PLD5: variants seen among roughly 807,000 people sequenced by gnomAD.
PLD5 encodes inactive phospholipase D5.
PLD5 carries 36 observed loss-of-function variants against 61.1 expected under a neutral mutation model. That is an observed-to-expected ratio of 0.59 (90% CI 0.45 to 0.78). PLD5 has a LOEUF of 0.78. PLD5 is among the 30% of genes least tolerant of loss of function. PLD5 has a pLI of 0.00. For missense variants in PLD5, 515 were observed against 644.4 expected (o/e 0.80, Z 2.17); for synonymous variants, 243 against 242.8 (o/e 1.00, Z -0.01).
chr1:242,172,694 A>G (rs1231507595), intron 5 of PLD5, among the ~76,000 whole-genome samples: 5 of 152,290 alleles, frequency 3.3e-5, no homozygotes, highest in Admixed American at 3.3e-4. Flanking sequence ...GATAAAGGGG[A>G]TATTACCACA....
chr1:242,208,603 A>C (rs1669593386), intron 5 of PLD5, among the ~76,000 whole-genome samples: 1 of 152,190 alleles, frequency 6.6e-6, no homozygotes, highest in Admixed American at 6.5e-5. Flanking sequence ...GTGATTCCAG[A>C]TAACAAGCAG....
intron 9 of PLD5, among the ~76,000 whole-genome samples, chr1:242,094,574 G>T (rs895715695): frequency 6.6e-6 from 1 of 152,128 alleles, no homozygotes; most frequent in East Asian, 1.9e-4. Context: ...TTCTTCTAGG[G>T]TTGAGTATTT....
At chr1:242,181,168 C>G (rs1467895779) in intron 5 of PLD5, among the ~76,000 whole-genome samples, 1 of 152,084 alleles carries the variant, frequency 6.6e-6, no homozygotes, top group Non-Finnish European at 1.5e-5. Flanking sequence ...TAAAATTTAT[C>G]CTCTCATTCA....
At chr1:242,164,324 A>G (rs1046003509) in intron 5 of PLD5, among the ~76,000 whole-genome samples, 8 of 152,094 alleles carry the variant, frequency 5.3e-5, no homozygotes, top group Non-Finnish European at 1.0e-4. Flanking sequence ...TGTATGTGAA[A>G]AGTATCTATG....
At chr1:242,336,258 A>AT (rs1204999560) in intron 2 of PLD5, among the ~76,000 whole-genome samples, 1 of 152,196 alleles carries the variant, frequency 6.6e-6, no homozygotes, top group Non-Finnish European at 1.5e-5. Flanking sequence ...TCTATCCACA[A>AT]TTAAACCACA....
At chr1:242,160,657 C>G (rs1275862062) in intron 5 of PLD5, among the ~76,000 whole-genome samples, 1 of 152,042 alleles carries the variant, frequency 6.6e-6, no homozygotes, top group East Asian at 1.9e-4. Flanking sequence ...GAGCCTGAGG[C>G]AGGTGGATCA....
chr1:242,326,042 C>A (rs1658756390), intron 2 of PLD5, among the ~76,000 whole-genome samples: 1 of 152,066 alleles, frequency 6.6e-6, no homozygotes, highest in South Asian at 2.1e-4. Flanking sequence ...CATGTGTCAC[C>A]ACATCTGGCT....
At position 242,333,859 on chromosome 1, in the gene PLD5, C is replaced by CAT. The variant is rs542663962; in HGVS notation, c.326+14245_326+14246dup. The stretch of plus-strand genomic sequence containing the variant: ...TTTATGGCTGAATAATATTCCATTG[C>CAT]ATATATATATATACCACATTTACTT... On this transcript the variant is annotated intron_variant, in intron 2 of 9. Transcript: ENST00000536534. Among the ~76,000 whole-genome samples the CAT allele has an allele frequency of 4.6e-3, 697 of 151,624 alleles. 6 individuals are homozygous for CAT. The highest frequency in any genetic ancestry group is 0.015 in the African/African-American group (615 of 41,406).
intron 1 of PLD5, among the ~76,000 whole-genome samples, chr1:242,420,916 C>T (rs761399681): frequency 1.1e-4 from 17 of 152,134 alleles, no homozygotes; most frequent in African/African-American, 2.7e-4. Flanking sequence ...CAGTGGTTCA[C>T]GCCTGTAATC....
chr1:242,387,680 AAAATT>A (rs1662677351), intron 1 of PLD5, among the ~76,000 whole-genome samples: 2 of 144,068 alleles, frequency 1.4e-5, no homozygotes, highest in African/African-American at 5.3e-5. Context: ...TATTTTATAT[AAAATT>A]TTATCTATTT....
chr1:242,437,699 T>C (rs1666066276), intron 1 of PLD5, among the ~76,000 whole-genome samples: 2 of 151,784 alleles, frequency 1.3e-5, no homozygotes, highest in Non-Finnish European at 2.9e-5. Flanking sequence ...AAAAAAAAAA[T>C]TTAGTTTACA....
At chr1:242,349,928 G>T (rs1232237589) in intron 1 of PLD5, among the ~76,000 whole-genome samples, 1 of 152,140 alleles carries the variant, frequency 6.6e-6, no homozygotes, top group Non-Finnish European at 1.5e-5. Context: ...GTCCCAGCTA[G>T]TAAGGAGGCT....
At chr1:242,093,065 G>T (rs561202687) in intron 9 of PLD5, among the ~76,000 whole-genome samples, 1 of 152,192 alleles carries the variant, frequency 6.6e-6, no homozygotes, top group South Asian at 2.1e-4. Flanking sequence ...ACATAGCTTT[G>T]GACGAATTTA....
intron 1 of PLD5, among the ~76,000 whole-genome samples, chr1:242,387,101 A>T (rs1041343384): frequency 6.6e-6 from 1 of 152,204 alleles, no homozygotes; most frequent in South Asian, 2.1e-4. Flanking sequence ...AAAATTTCAC[A>T]ATAAAAAGTT....
chr1:242,411,926 A>G (rs1664579513), intron 1 of PLD5, among the ~76,000 whole-genome samples: 1 of 145,940 alleles, frequency 6.9e-6, no homozygotes, highest in African/African-American at 2.5e-5. Context: ...AGTACTTATA[A>G]TTTTCCTTTA....
chr1:242,518,947 T>C (rs2103009974), intron 1 of PLD5, among the ~76,000 whole-genome samples: 1 of 151,272 alleles, frequency 6.6e-6, no homozygotes, highest in East Asian at 2.0e-4. Context: ...AAGACACTCA[T>C]GAGACATCTA....
At chr1:242,175,244 G>A (rs897164653) in intron 5 of PLD5, among the ~76,000 whole-genome samples, 22 of 152,074 alleles carry the variant, frequency 1.4e-4, no homozygotes, top group Admixed American at 5.2e-4. Context: ...ATGAAAAAGC[G>A]TATCCACCAC....
intron 2 of PLD5, among the ~76,000 whole-genome samples, chr1:242,302,494 G>T (rs1486742876): frequency 2.0e-5 from 3 of 151,952 alleles, no homozygotes; most frequent in Admixed American, 2.0e-4. Flanking sequence ...GAGGCAAGAG[G>T]ACTGCTTGAG....
rs57275410 is a variant in PLD5, at chr1:242,375,854, T to C, written c.190-27612A>G. ...CGGCCAATTGCAATACACAGGCGGC[T>C]GCATTGATAAGTCGGTGGTTGAAGT... On this transcript the variant is annotated intron_variant, in intron 1 of 9. Transcript: ENST00000536534. Among the ~76,000 whole-genome samples the C allele has an allele frequency of 3.3e-3, 510 of 152,266 alleles. 4 individuals carry two copies. The highest frequency in any genetic ancestry group is 0.012 in the African/African-American group (481 of 41,568).
Sources: allele counts gnomAD v4.1 joint callset (sites outside exome capture counted in the v4.1 genomes callset), GRCh38; gene constraint gnomAD v4.1.1; transcripts MANE v1.5; gene names NCBI Gene and HGNC (gene_info 2026-07-23, HGNC 2026-07-21).